Variants in CA10 observed in about 807,000 individuals in gnomAD.
CA10 encodes carbonic anhydrase 10 (inactive), also known as carbonic anhydrase-related protein 10.
CA10 carries 14 observed loss-of-function variants against 44.2 expected under a neutral mutation model. The ratio of observed to expected loss-of-function variants is 0.32; its 90% CI spans 0.21 to 0.50. CA10 has a LOEUF of 0.50. Among genes scored for constraint, CA10 ranks in the 20% least tolerant of loss-of-function variants. The pLI, the probability that CA10 is intolerant of heterozygous loss-of-function variation, is 0.99. For missense variants in CA10, 350 were observed against 409.7 expected, an observed-to-expected ratio of 0.85 and a Z score of 1.26; for synonymous variants, 159 against 141.6, an observed-to-expected ratio of 1.12 and a Z score of -0.87.
At chr17:51,682,072 C>T (rs1914866637) in intron 4 of CA10, among the ~76,000 whole-genome samples, 1 of 152,242 alleles carries the variant, frequency 6.6e-6, no homozygotes, top group East Asian at 1.9e-4. Flanking sequence ...ATGCCAGGCA[C>T]TGCATTCGAT....
At chr17:52,108,225 T>TATATATATAA (rs1484781108) in intron 1 of CA10, among the ~76,000 whole-genome samples, 1 of 142,560 alleles carries the variant, frequency 7.0e-6, no homozygotes. Context: ...TATATATATA[T>TATATATATAA]AATATGTATA....
At chr17:51,810,769 G>T (rs1333889379) in intron 3 of CA10, among the ~76,000 whole-genome samples, 1 of 152,202 alleles carries the variant, frequency 6.6e-6, no homozygotes, top group Non-Finnish European at 1.5e-5. Flanking sequence ...TTGAGAAAAA[G>T]TGGCCCCTTA....
intron 3 of CA10, among the ~76,000 whole-genome samples, chr17:51,823,915 G>A (rs1202075988): frequency 6.6e-6 from 1 of 152,114 alleles, no homozygotes; most frequent in Admixed American, 6.5e-5. Context: ...CTTTCTCAAA[G>A]CTTGTCCTTC....
At chr17:51,904,366 C>T (rs747363942) in intron 3 of CA10, among the ~76,000 whole-genome samples, 8 of 152,032 alleles carry the variant, frequency 5.3e-5, no homozygotes, top group Non-Finnish European at 1.2e-4. Flanking sequence ...AAACCCCTCA[C>T]CCCTCTCCCA....
Position 51,744,682 on chromosome 17 carries a change from A to G in CA10, c.465+2951T>C, listed in dbSNP as rs1418012219. On this transcript the variant is annotated intron_variant, in intron 4 of 8. Transcript: ENST00000451037. ...AGTCACAATTTTCAGAGGCAAACTC[A>G]TTTCATCACTGTATCGTTTTCATCG... 3.3e-5 allele frequency among the ~76,000 whole-genome samples: 5 copies of G among 152,192 alleles called. No individual in the cohort carries two copies. The South Asian group carries it at 1.0e-3, about 31-fold the overall frequency.
chr17:51,943,129 T>C (rs1983146483), intron 2 of CA10, among the ~76,000 whole-genome samples: 2 of 152,198 alleles, frequency 1.3e-5, no homozygotes, highest in Non-Finnish European at 2.9e-5. Context: ...CTTTAATTAT[T>C]CTTTCCACTT....
At chr17:51,981,085 A>G (rs1253918917) in intron 2 of CA10, among the ~76,000 whole-genome samples, 2 of 152,128 alleles carry the variant, frequency 1.3e-5, no homozygotes, top group Admixed American at 6.6e-5. Context: ...CAAGTATAAA[A>G]TGGTACTGCC....
intron 1 of CA10, among the ~76,000 whole-genome samples, chr17:52,141,268 G>GT (rs1363861040): frequency 6.6e-6 from 1 of 152,176 alleles, no homozygotes; most frequent in Admixed American, 6.5e-5. Flanking sequence ...GAGGTTTCTT[G>GT]TTTTTGGTTT....
At chr17:51,957,438 T>G (rs1983708315) in intron 2 of CA10, among the ~76,000 whole-genome samples, 1 of 152,100 alleles carries the variant, frequency 6.6e-6, no homozygotes, top group Non-Finnish European at 1.5e-5. Flanking sequence ...AAAACTTTTT[T>G]TTTTTTTGTA....
At chr17:51,679,655 G>T (rs908493134) in intron 4 of CA10, among the ~76,000 whole-genome samples, 1 of 151,738 alleles carries the variant, frequency 6.6e-6, no homozygotes, top group Non-Finnish European at 1.5e-5. Context: ...CAACCCCTGG[G>T]TTGAAGCGAT....
At chr17:51,673,103 C>A (rs754956790) in intron 4 of CA10, among the ~76,000 whole-genome samples, 10 of 152,178 alleles carry the variant, frequency 6.6e-5, no homozygotes, top group Non-Finnish European at 1.2e-4. Flanking sequence ...CAGGAAAGGG[C>A]CATTCTTTGC....
At chr17:51,920,174 CA>C (rs1348048239) in intron 3 of CA10, among the ~76,000 whole-genome samples, 1 of 152,172 alleles carries the variant, frequency 6.6e-6, no homozygotes, top group East Asian at 1.9e-4. Context: ...TAAGTACCGT[CA>C]CTAAAATTGT....
At chr17:52,135,550 A>G (rs1989337975) in intron 1 of CA10, among the ~76,000 whole-genome samples, 1 of 152,038 alleles carries the variant, frequency 6.6e-6, no homozygotes, top group Non-Finnish European at 1.5e-5. Flanking sequence ...TTAAATATGT[A>G]TATTTGGCCA....
At chr17:51,679,081 TGGTGGG>T (rs1012065336) in intron 4 of CA10, among the ~76,000 whole-genome samples, 20 of 152,154 alleles carry the variant, frequency 1.3e-4, no homozygotes, top group African/African-American at 4.8e-4. Context: ...TACCATTTAT[TGGTGGG>T]GGTGGGGGAC....
intron 2 of CA10, among the ~76,000 whole-genome samples, chr17:51,961,779 C>A (rs761851322): frequency 6.6e-6 from 1 of 152,202 alleles, no homozygotes; most frequent in Non-Finnish European, 1.5e-5. Context: ...CCTGGATCAG[C>A]AGTCTGAGGC....
chr17:51,677,894 C>A lies in CA10; in HGVS notation c.466-24158G>T, dbSNP rs563811469. Among the ~76,000 whole-genome samples, 6 of 144,088 alleles carry A rather than the reference C, an allele frequency of 4.2e-5. No individual in the cohort carries two copies. In the East Asian group the frequency reaches 9.8e-4, roughly 23 times the overall value. 94.5% of individuals were successfully genotyped at this position (144,088 alleles called of 152,430 possible). ...CCACTCCTAGGTATACACCCCCCCCCCCACCGGCTGCCAATTGAAAATAGG... is the reference window on the plus strand; with the variant it reads ...CCACTCCTAGGTATACACCCCCCCCACCACCGGCTGCCAATTGAAAATAGG... On this transcript the variant is annotated intron_variant, in intron 4 of 8. Transcript: ENST00000451037.
In CA10 at chr17:51,855,329, T is replaced by C. The variant is rs368410713; in HGVS notation, c.279+75661A>G. ...GCACTTTGTAAAATGTGAACTATAA[T>C]AGACCTTTAAAACTCACAATAGCAA... On this transcript the variant is annotated intron_variant, in intron 3 of 8. Transcript: ENST00000451037. Among the ~76,000 whole-genome samples the C allele has an allele frequency of 9.2e-5, 14 of 152,240 alleles. No individual in the cohort carries two copies. In the East Asian group the frequency reaches 2.1e-3, roughly 23 times the overall value.
chr17:51,866,445 A>T (rs557558893), intron 3 of CA10, among the ~76,000 whole-genome samples: 22 of 152,100 alleles, frequency 1.4e-4, no homozygotes, highest in Non-Finnish European at 2.8e-4. Context: ...TGCTCTTCTC[A>T]TCTCACTTTT....
At chr17:51,921,707 T>C (rs1982241910) in intron 3 of CA10, among the ~76,000 whole-genome samples, 2 of 152,302 alleles carry the variant, frequency 1.3e-5, no homozygotes, top group South Asian at 2.1e-4. Context: ...TACTGTGTAA[T>C]TAGACTGAAT....
Sources: allele counts gnomAD v4.1 joint callset (sites outside exome capture counted in the v4.1 genomes callset), GRCh38; gene constraint gnomAD v4.1.1; transcripts MANE v1.5; gene names NCBI Gene and HGNC (gene_info 2026-07-23, HGNC 2026-07-21).